The following NFIA variants were observed in gnomAD, a reference collection of about 807,000 sequenced individuals.
The protein encoded by NFIA is nuclear factor 1 A-type.
In NFIA, 8 loss-of-function variants were observed where a neutral mutation model predicts 62.8. The observed-to-expected ratio is 0.13, with a 90% CI of 0.07 to 0.23. The LOEUF is 0.23. NFIA is among the 10% of genes least tolerant of loss of function. The probability of loss-of-function intolerance (pLI) is 1.00; values close to 1 mark genes in which losing one functional copy is unlikely to be tolerated. For missense variants in NFIA, 410 were observed against 642.1 expected (o/e 0.64, Z 3.91); for synonymous variants, 235 against 238.1 (o/e 0.99, Z 0.12).
At chr1:61,427,206 G>GT (rs1454186927) in intron 10 of NFIA, among the ~76,000 whole-genome samples, 1 of 152,108 alleles carries the variant, frequency 6.6e-6, no homozygotes, top group Admixed American at 6.5e-5. Flanking sequence ...AGACAGTTGT[G>GT]TTTTGTGCTA....
rs574364544 is a variant in NFIA at position 61,355,790 on chromosome 1, T to C, written c.818+3223T>C. On this transcript the variant is annotated intron_variant, in intron 5 of 10. Transcript: ENST00000403491. Reference sequence around the variant, plus strand: ...TTTGTAAAGACAAGGTCTCGCTATGTTGCCCACGGTGGTCTCTCAACTCCT... The same window carrying C: ...TTTGTAAAGACAAGGTCTCGCTATGCTGCCCACGGTGGTCTCTCAACTCCT... Among the ~76,000 whole-genome samples, 10 of 152,302 alleles carry C rather than the reference T, an allele frequency of 6.6e-5. No homozygotes were observed. In the Middle Eastern group the frequency reaches 0.017, roughly 259 times the overall value.
At chr1:61,271,767 T>A (rs781711556) in intron 2 of NFIA, among the ~76,000 whole-genome samples, 76 of 152,238 alleles carry the variant, frequency 5.0e-4, no homozygotes, top group Non-Finnish European at 1.8e-4. Flanking sequence ...TCTGCATACA[T>A]TAATTACTGC....
At chr1:61,369,570 AGTGATCTTACTTCCTGC>A (rs1663773938) in intron 6 of NFIA, among the ~76,000 whole-genome samples, 1 of 152,290 alleles carries the variant, frequency 6.6e-6, no homozygotes, top group Non-Finnish European at 1.5e-5. Context: ...AAAATACTTT[AGTGATCTTACTTCCTGC>A]GTTCTATCAT....
At chr1:61,204,942 G>C (rs951823179) in intron 2 of NFIA, among the ~76,000 whole-genome samples, 3 of 152,162 alleles carry the variant, frequency 2.0e-5, no homozygotes, top group African/African-American at 7.2e-5. Context: ...TAGGCACTGG[G>C]ATTGTATTCT....
At chr1:61,323,082 A>G (rs1660759080) in intron 3 of NFIA, among the ~76,000 whole-genome samples, 2 of 152,336 alleles carry the variant, frequency 1.3e-5, no homozygotes, top group Non-Finnish European at 2.9e-5. Flanking sequence ...GAAGGCCAAC[A>G]GTGTGTAAGT....
intron 2 of NFIA, among the ~76,000 whole-genome samples, chr1:61,221,812 A>G (rs1654032696): frequency 1.3e-5 from 2 of 152,112 alleles, no homozygotes; most frequent in South Asian, 4.1e-4. Flanking sequence ...AGATGAGGAA[A>G]TGTTTTAGGG....
intron 3 of NFIA, among the ~76,000 whole-genome samples, chr1:61,328,646 C>T (rs1204287526): frequency 2.0e-5 from 3 of 151,794 alleles, no homozygotes; most frequent in Non-Finnish European, 1.5e-5. Flanking sequence ...CTCTAACTCC[C>T]GACCTCAGGT....
intron 2 of NFIA, among the ~76,000 whole-genome samples, chr1:61,101,743 A>C: frequency 6.6e-6 from 1 of 152,324 alleles, no homozygotes; most frequent in African/African-American, 2.4e-5. Context: ...AGTTGTCAGA[A>C]GTGTCAAGCT....
chr1:61,406,505 G>T, intron 8 of NFIA, 57 bp from the exon 9 acceptor site: 1 of 1,442,254 alleles, frequency 6.9e-7, no homozygotes, highest in Non-Finnish European at 9.5e-7. Context: ...GCTAATGGTT[G>T]CTGTCTCTTT....
chr1:61,444,468 G>A (rs745557710), intron 10 of NFIA, among the ~76,000 whole-genome samples: 1 of 152,212 alleles, frequency 6.6e-6, no homozygotes, highest in South Asian at 2.1e-4. Flanking sequence ...TACAGAGGCC[G>A]GCAGAGTTCA....
chr1:61,299,493 A>C (rs1031450173), intron 3 of NFIA, among the ~76,000 whole-genome samples: 1 of 152,208 alleles, frequency 6.6e-6, no homozygotes, highest in Non-Finnish European at 1.5e-5. Context: ...TATGAAAAGC[A>C]TTTTTGTTAA....
At chr1:61,202,926 A>G (rs995462790) in intron 2 of NFIA, among the ~76,000 whole-genome samples, 5 of 152,242 alleles carry the variant, frequency 3.3e-5, no homozygotes. Context: ...TCATTCTGAA[A>G]ATCATGGAAA....
chr1:61,218,077 C>CT (rs1653760718), intron 2 of NFIA, among the ~76,000 whole-genome samples: 1 of 152,196 alleles, frequency 6.6e-6, no homozygotes, highest in African/African-American at 2.4e-5. Flanking sequence ...ATATTTCATT[C>CT]TTTCAGTAGC....
chr1:61,263,150 G>T (rs1424069430), intron 2 of NFIA, among the ~76,000 whole-genome samples: 1 of 151,956 alleles, frequency 6.6e-6, no homozygotes, highest in Non-Finnish European at 1.5e-5. Context: ...TCCCAATAAT[G>T]ATTTGTTTTT....
At chr1:61,203,273 GA>G (rs1652635948) in intron 2 of NFIA, among the ~76,000 whole-genome samples, 1 of 152,158 alleles carries the variant, frequency 6.6e-6, no homozygotes, top group South Asian at 2.1e-4. Flanking sequence ...GCGAAACTGG[GA>G]TAAGCCCCAG....
At chr1:61,454,322 G>A (rs1310316034) in intron 10 of NFIA, among the ~76,000 whole-genome samples, 1 of 152,212 alleles carries the variant, frequency 6.6e-6, no homozygotes, top group African/African-American at 2.4e-5. Flanking sequence ...TCTGATGTTA[G>A]TCCATAATTG....
At chr1:61,145,371 AG>A in intron 2 of NFIA, among the ~76,000 whole-genome samples, 1 of 152,318 alleles carries the variant, frequency 6.6e-6, no homozygotes, top group East Asian at 1.9e-4. Context: ...CAAAATCTGT[AG>A]GGTCTGGTTG....
At chr1:61,437,035 A>G (rs1667358652) in intron 10 of NFIA, among the ~76,000 whole-genome samples, 1 of 152,146 alleles carries the variant, frequency 6.6e-6, no homozygotes, top group African/African-American at 2.4e-5. Context: ...GAATGTGTTG[A>G]GATAATGGGG....
chr1:61,395,679 G>A lies in NFIA; in HGVS notation c.1076-8425G>A, dbSNP rs1665232100. 1.3e-5 allele frequency among the ~76,000 whole-genome samples: 2 copies of A among 152,122 alleles called. 1 individual carries two copies. Among genetic ancestry groups the A allele is most frequent in the South Asian group, 4.1e-4 (2 of 4,826 alleles). Reference sequence around the variant, plus strand: ...TAATCACAGCTGTTGCGTGGCGTTTGAACACATTTCACATCAGCCATCATG... The same window carrying A: ...TAATCACAGCTGTTGCGTGGCGTTTAAACACATTTCACATCAGCCATCATG... On this transcript the variant is annotated intron_variant, in intron 7 of 10. Coordinates refer to ENST00000403491, the MANE Select transcript of NFIA (RefSeq NM_001134673.4).
Sources: gnomAD v4.1 joint callset for allele counts (sites outside exome capture counted in the v4.1 genomes callset) on GRCh38, gnomAD v4.1.1 for gene constraint, MANE v1.5 for transcripts, NCBI Gene and HGNC (gene_info 2026-07-23, HGNC 2026-07-21) for gene names.